CNIH3: variants seen among roughly 807,000 people sequenced by gnomAD.
CNIH3 encodes the protein cornichon family AMPA receptor auxiliary protein 3.
In CNIH3, 14 loss-of-function variants were observed where a neutral mutation model predicts 24.1. The observed-to-expected ratio is 0.58, with a 90% CI of 0.38 to 0.91. The LOEUF (loss-of-function observed/expected upper bound fraction) is 0.91, where lower values mean the gene tolerates loss of function less well. Among genes scored for constraint, CNIH3 ranks in the 40% least tolerant of loss-of-function variants. CNIH3 has a pLI of 0.00. For synonymous variants in CNIH3, 68 were observed against 73.8 expected, an observed-to-expected ratio of 0.92 and a Z score of 0.40; for missense variants, 178 against 196.8, an observed-to-expected ratio of 0.90 and a Z score of 0.57.
intron 3 of CNIH3, among the ~76,000 whole-genome samples, chr1:224,686,589 T>G (rs1267760330): frequency 2.0e-5 from 3 of 152,246 alleles, no homozygotes; most frequent in East Asian, 1.9e-4. Context: ...GATGCCTAAG[T>G]GACATCAAAT....
At chr1:224,581,289 T>C (rs1004410961) in intron 4 of CNIH3, among the ~76,000 whole-genome samples, 1 of 152,176 alleles carries the variant, frequency 6.6e-6, no homozygotes, top group Non-Finnish European at 1.5e-5. Flanking sequence ...TGAGTGTGTT[T>C]AGTCTTCCAT....
intron 2 of CNIH3, among the ~76,000 whole-genome samples, chr1:224,526,952 T>A (rs778559980): frequency 6.6e-6 from 1 of 152,148 alleles, no homozygotes. Context: ...TCACTCACTA[T>A]CACGAGGAAG....
chr1:224,529,852 T>C (rs1678995415), intron 2 of CNIH3, among the ~76,000 whole-genome samples: 1 of 152,228 alleles, frequency 6.6e-6, no homozygotes, highest in Non-Finnish European at 1.5e-5. Context: ...CATGCCCTTG[T>C]AGGTGTAATG....
intron 1 of CNIH3, among the ~76,000 whole-genome samples, chr1:224,436,421 T>A (rs1674670088): frequency 6.6e-6 from 1 of 152,224 alleles, no homozygotes; most frequent in Admixed American, 6.5e-5. Flanking sequence ...CATTGAAGAC[T>A]TGCTTCTGAA....
At chr1:224,525,553 A>C (rs1034500108) in intron 2 of CNIH3, among the ~76,000 whole-genome samples, 11 of 152,216 alleles carry the variant, frequency 7.2e-5, no homozygotes, top group African/African-American at 2.4e-4. Context: ...CAATGATGGC[A>C]GTATTTTCTG....
chr1:224,656,137 A>C (rs1685083207), intron 1 of CNIH3, among the ~76,000 whole-genome samples: 1 of 152,140 alleles, frequency 6.6e-6, no homozygotes, highest in South Asian at 2.1e-4. Context: ...GGGGAATCTG[A>C]CCATCAATCC....
At chr1:224,639,603 T>A (rs1684260218) in intron 1 of CNIH3, among the ~76,000 whole-genome samples, 1 of 152,198 alleles carries the variant, frequency 6.6e-6, no homozygotes, top group African/African-American at 2.4e-5. Context: ...TGTCCCTGAG[T>A]TGTTTTTCAG....
At chr1:224,541,096 G>T (rs1048246433), downstream of CNIH3, among the ~76,000 whole-genome samples, 19 of 152,122 alleles carry the variant, frequency 1.2e-4, no homozygotes, top group Non-Finnish European at 2.6e-4. Flanking sequence ...TGCTGTATTG[G>T]CATGTATGTA....
chr1:224,700,321 C>T (rs1038210230), intron 3 of CNIH3, among the ~76,000 whole-genome samples: 1 of 152,150 alleles, frequency 6.6e-6, no homozygotes, highest in African/African-American at 2.4e-5. Flanking sequence ...ACTCTGTCTC[C>T]AAATACTTAC....
intron 2 of CNIH3, among the ~76,000 whole-genome samples, chr1:224,546,154 A>AGGGAACACAATTCAGTCCC (rs1321851003): frequency 1.3e-5 from 2 of 152,196 alleles, no homozygotes; most frequent in East Asian, 3.8e-4. Context: ...ATGAATTTTA[A>AGGGAACACAATTCAGTCCC]GGGAACACAA....
intron 1 of CNIH3, among the ~76,000 whole-genome samples, chr1:224,484,424 T>A (rs1289578547): frequency 6.6e-6 from 1 of 151,372 alleles, no homozygotes. Flanking sequence ...AGCGAGACTC[T>A]GTTTAAAAAA....
intron 3 of CNIH3, among the ~76,000 whole-genome samples, chr1:224,705,096 C>G (rs1396888284): frequency 2.6e-5 from 4 of 152,038 alleles, no homozygotes; most frequent in Admixed American, 2.6e-4. Flanking sequence ...CCAGCCTGGA[C>G]AAGAGCGAGA....
chr1:224,481,978 T>C (rs1676832644), intron 1 of CNIH3, among the ~76,000 whole-genome samples: 1 of 152,106 alleles, frequency 6.6e-6, no homozygotes, highest in African/African-American at 2.4e-5. Context: ...CACTCTTCCC[T>C]CTCCTTTCCC....
chr1:224,596,457 G>A (rs1308022188), intron 3 of CNIH3, among the ~76,000 whole-genome samples: 2 of 152,178 alleles, frequency 1.3e-5, no homozygotes, highest in African/African-American at 2.4e-5. Context: ...CAAGAGTTCT[G>A]ATGGAGATGT....
At chr1:224,585,631 C>T (rs1681473989) in intron 5 of CNIH3, among the ~76,000 whole-genome samples, 1 of 151,828 alleles carries the variant, frequency 6.6e-6, no homozygotes, top group African/African-American at 2.4e-5. Flanking sequence ...GACACATCAC[C>T]ACACCTGGAT....
chr1:224,482,738 C>G (rs1281338104), intron 1 of CNIH3, among the ~76,000 whole-genome samples: 1 of 152,100 alleles, frequency 6.6e-6, no homozygotes, highest in Non-Finnish European at 1.5e-5. Flanking sequence ...CTCCCTTAGC[C>G]ACCTCAGCTG....
At chr1:224,734,984 C>T (rs571082648) in intron 5 of CNIH3, among the ~76,000 whole-genome samples, 1 of 152,286 alleles carries the variant, frequency 6.6e-6, no homozygotes, top group African/African-American at 2.4e-5. Flanking sequence ...TTGGAGATAA[C>T]TGGTGAAGTG....
At chr1:224,504,829 G>A (rs575753793) in intron 1 of CNIH3, among the ~76,000 whole-genome samples, 2 of 152,138 alleles carry the variant, frequency 1.3e-5, no homozygotes, top group Non-Finnish European at 1.5e-5. Context: ...ATCTCATCAG[G>A]CTGTTTAGAG....
At position 224,616,327 on chromosome 1, in the gene CNIH3, A is replaced by G; in HGVS notation, c.-848A>G. Reference sequence around the variant, plus strand: ...ACCGCTACAGTTCTCGCAGTGGCAAAGGCGGCGGCGGCGGCGGCGGCAGCG... The same window carrying G: ...ACCGCTACAGTTCTCGCAGTGGCAAGGGCGGCGGCGGCGGCGGCGGCAGCG... On this transcript the variant is annotated 5_prime_UTR_variant, in exon 1 of 6. Coordinates refer to ENST00000272133, the MANE Select transcript of CNIH3 (RefSeq NM_152495.2). The G allele has an allele frequency of 2.8e-6, 1 of 362,774 alleles. No individual in the cohort carries two copies. The highest frequency in any genetic ancestry group is 4.6e-5 in the South Asian group (1 of 21,938). The allele number at this position is 362,774 out of a possible 1,614,324, so 22.5% of individuals were successfully genotyped here. A position where few individuals can be genotyped will look rare whatever the true frequency, so the allele number is the denominator to read the frequency against.
Sources: allele counts gnomAD v4.1 joint callset (sites outside exome capture counted in the v4.1 genomes callset), GRCh38; gene constraint gnomAD v4.1.1; transcripts MANE v1.5; gene names NCBI Gene and HGNC (gene_info 2026-07-23, HGNC 2026-07-21).